Variants in TENM4 observed in about 807,000 individuals in gnomAD.
TENM4 encodes teneurin transmembrane protein 4.
In TENM4, 82 loss-of-function variants were observed where a neutral mutation model predicts 243.3. The ratio of observed to expected loss-of-function variants is 0.34; its 90% CI spans 0.28 to 0.40. TENM4 has a LOEUF of 0.40. Among genes scored for constraint, TENM4 ranks in the 10% least tolerant of loss-of-function variants. The pLI is 1.00. For missense variants in TENM4, 3,138 were observed against 3,673.3 expected (o/e 0.85, Z 3.77); for synonymous variants, 1,412 against 1,456.3 (o/e 0.97, Z 0.69).
intron 6 of TENM4, among the ~76,000 whole-genome samples, chr11:79,025,340 A>G (rs1177243786): frequency 6.6e-6 from 1 of 152,190 alleles, no homozygotes; most frequent in Non-Finnish European, 1.5e-5. Context: ...AGGCTTTCAC[A>G]TAGGTGTGGC....
intron 2 of TENM4, among the ~76,000 whole-genome samples, chr11:79,219,396 G>A (rs1864115638): frequency 6.6e-6 from 1 of 152,200 alleles, no homozygotes. Flanking sequence ...TTGGAGATCT[G>A]CTCTAGGAAG....
At chr11:78,870,925 T>C (rs1449214298) in intron 9 of TENM4, among the ~76,000 whole-genome samples, 1 of 152,176 alleles carries the variant, frequency 6.6e-6, no homozygotes, top group African/African-American at 2.4e-5. Flanking sequence ...AGTAATAGAA[T>C]AAGAAAGCTG....
intron 1 of TENM4, among the ~76,000 whole-genome samples, chr11:79,436,954 A>G (rs1287203207): frequency 6.6e-6 from 1 of 152,226 alleles, no homozygotes; most frequent in Non-Finnish European, 1.5e-5. Flanking sequence ...TTAGCCCCCT[A>G]AAAGCACACA....
intron 2 of TENM4, among the ~76,000 whole-genome samples, chr11:79,244,218 GA>G (rs897714472): frequency 1.3e-5 from 2 of 152,206 alleles, no homozygotes; most frequent in Non-Finnish European, 2.9e-5. Context: ...CTGGCTCGGG[GA>G]AAATGTTCCA....
chr11:79,023,502 TG>T (rs1175548688), intron 6 of TENM4, among the ~76,000 whole-genome samples: 1 of 148,980 alleles, frequency 6.7e-6, no homozygotes, highest in African/African-American at 2.5e-5. Context: ...GTGGAGGTTG[TG>T]GTGAGCCAAG....
intron 4 of TENM4, among the ~76,000 whole-genome samples, chr11:79,111,277 G>A (rs905147464): frequency 2.0e-5 from 3 of 152,162 alleles, no homozygotes; most frequent in African/African-American, 7.2e-5. Context: ...CAGGCGCCGT[G>A]GCTCACACCT....
At chr11:78,832,396 A>G (rs1188701336) in intron 12 of TENM4, among the ~76,000 whole-genome samples, 1 of 152,256 alleles carries the variant, frequency 6.6e-6, no homozygotes. Context: ...TCAGACTTGC[A>G]CTGCCTTTGT....
chr11:79,375,324 A>G (rs1288736814), intron 1 of TENM4, among the ~76,000 whole-genome samples: 1 of 152,240 alleles, frequency 6.6e-6, no homozygotes, highest in Non-Finnish European at 1.5e-5. Context: ...AGAAAAAAGT[A>G]GGACAAAAAC....
intron 27 of TENM4, among the ~76,000 whole-genome samples, chr11:78,705,398 T>G (rs143610499): frequency 3.2e-4 from 49 of 152,310 alleles, no homozygotes; most frequent in African/African-American, 1.0e-3. Flanking sequence ...GCATTGCTCT[T>G]GGAGTCAGTC....
At chr11:78,843,588 G>C (rs1858311812) in intron 12 of TENM4, among the ~76,000 whole-genome samples, 1 of 152,126 alleles carries the variant, frequency 6.6e-6, no homozygotes, top group South Asian at 2.1e-4. Context: ...TATTAATTTT[G>C]CCAAGTAGTT....
chr11:79,165,942 T>G (rs977228295), intron 3 of TENM4, among the ~76,000 whole-genome samples: 2 of 152,240 alleles, frequency 1.3e-5, no homozygotes, highest in African/African-American at 4.8e-5. Flanking sequence ...GAAGATCACT[T>G]GACTGTAAGT....
intron 2 of TENM4, among the ~76,000 whole-genome samples, chr11:79,294,788 G>A (rs1856419695): frequency 1.3e-5 from 2 of 152,122 alleles, no homozygotes; most frequent in South Asian, 4.1e-4. Flanking sequence ...GGTAGAGGTT[G>A]CAGTGAGCCA....
intron 18 of TENM4, among the ~76,000 whole-genome samples, chr11:78,769,242 C>T (rs1003649416): frequency 2.6e-5 from 4 of 152,208 alleles, no homozygotes; most frequent in African/African-American, 7.2e-5. Flanking sequence ...CATCTCTTTC[C>T]TACGAAGAGC....
At chr11:79,226,929 G>A (rs951172447) in intron 2 of TENM4, among the ~76,000 whole-genome samples, 2 of 152,132 alleles carry the variant, frequency 1.3e-5, no homozygotes, top group African/African-American at 4.8e-5. Context: ...CTGAATGGAC[G>A]CTTTGCCAGA....
chr11:78,919,320 G>A (rs1467376314), intron 6 of TENM4, among the ~76,000 whole-genome samples: 2 of 152,094 alleles, frequency 1.3e-5, no homozygotes, highest in Non-Finnish European at 2.9e-5. Context: ...TTAGTAAGAG[G>A]GGGAGCTATT....
At chr11:78,985,047 C>G (rs1857887307) in intron 6 of TENM4, among the ~76,000 whole-genome samples, 1 of 152,276 alleles carries the variant, frequency 6.6e-6, no homozygotes, top group Middle Eastern at 3.4e-3. Context: ...CTTAACTTCT[C>G]TGTACTTCAG....
At chr11:79,139,957 G>A (rs1353319059) in intron 4 of TENM4, among the ~76,000 whole-genome samples, 1 of 150,512 alleles carries the variant, frequency 6.6e-6, no homozygotes, top group Non-Finnish European at 1.5e-5. Context: ...CATTCCTTAT[G>A]TCCGCTTACA....
At chr11:78,912,546 G>A (rs986309813) in intron 6 of TENM4, among the ~76,000 whole-genome samples, 89 of 152,180 alleles carry the variant, frequency 5.8e-4, no homozygotes, top group Non-Finnish European at 1.8e-4. Context: ...GTGAGCCACC[G>A]CGCCTAGCCG....
intron 4 of TENM4, among the ~76,000 whole-genome samples, chr11:79,142,762 A>G (rs1485704044): frequency 2.6e-5 from 4 of 152,156 alleles, no homozygotes; most frequent in African/African-American, 9.6e-5. Context: ...CCAAAACAGC[A>G]TGGTACTGGT....
Sources: allele counts gnomAD v4.1 joint callset (sites outside exome capture counted in the v4.1 genomes callset), GRCh38; gene constraint gnomAD v4.1.1; transcripts MANE v1.5; gene names NCBI Gene and HGNC (gene_info 2026-07-23, HGNC 2026-07-21).